TMEM51: variants seen among roughly 807,000 people sequenced by gnomAD.
TMEM51 encodes the protein transmembrane protein 51.
TMEM51 carries 8 observed loss-of-function variants against 13.6 expected under a neutral mutation model. The observed-to-expected ratio is 0.59, with a 90% CI of 0.35 to 1.07. The LOEUF (loss-of-function observed/expected upper bound fraction) is 1.07. TMEM51 is among the 50% of genes least tolerant of loss of function. The probability of loss-of-function intolerance (pLI) is 0.02; values close to 1 mark genes in which losing one functional copy is unlikely to be tolerated. For missense variants in TMEM51, 279 were observed against 330.7 expected (o/e 0.84, Z 1.21); for synonymous variants, 147 against 144.4 (o/e 1.02, Z -0.13).
At chr1:15,216,406 T>C (rs141252367) in intron 3 of TMEM51, among the ~76,000 whole-genome samples, 1 of 152,338 alleles carries the variant, frequency 6.6e-6, no homozygotes, top group South Asian at 2.1e-4. Context: ...GTTCAACCAA[T>C]AGATGTTCAA....
chr1:15,200,156 C>T (rs1283392742), intron 1 of TMEM51, among the ~76,000 whole-genome samples: 1 of 151,744 alleles, frequency 6.6e-6, no homozygotes, highest in African/African-American at 2.4e-5. Context: ...ATGAGTGGGC[C>T]CTAATCCAAT....
chr1:15,187,559 C>A (rs569922310), intron 1 of TMEM51, among the ~76,000 whole-genome samples: 1 of 152,336 alleles, frequency 6.6e-6, no homozygotes, highest in Non-Finnish European at 1.5e-5. Flanking sequence ...TGCTTCCTTT[C>A]TTTTCTCCTG....
At chr1:15,188,021 G>C (rs1006787040) in intron 1 of TMEM51, among the ~76,000 whole-genome samples, 1 of 152,290 alleles carries the variant, frequency 6.6e-6, no homozygotes, top group Middle Eastern at 3.4e-3. Flanking sequence ...GGTAGGTTTT[G>C]TTTTACTGTT....
intron 1 of TMEM51, among the ~76,000 whole-genome samples, chr1:15,194,095 AC>A (rs1288088908): frequency 6.6e-6 from 1 of 152,242 alleles, no homozygotes; most frequent in Non-Finnish European, 1.5e-5. Context: ...AGGGCAGTGA[AC>A]AAAAATGACA....
intron 1 of TMEM51, among the ~76,000 whole-genome samples, chr1:15,188,469 T>A (rs1430215805): frequency 6.6e-6 from 1 of 152,158 alleles, no homozygotes; most frequent in African/African-American, 2.4e-5. Context: ...ATCACCTGAG[T>A]GCTCAGCAAG....
intron 1 of TMEM51, among the ~76,000 whole-genome samples, chr1:15,181,644 C>G (rs1303377745): frequency 6.6e-6 from 1 of 152,212 alleles, no homozygotes; most frequent in Non-Finnish European, 1.5e-5. Flanking sequence ...GTCATGGCAG[C>G]AGGTTCTCGA....
intron 1 of TMEM51, among the ~76,000 whole-genome samples, chr1:15,172,261 G>A (rs1643303087): frequency 6.6e-6 from 1 of 152,002 alleles, no homozygotes; most frequent in Admixed American, 6.6e-5. Flanking sequence ...ACACGTGCCT[G>A]TAGTCCCAGC....
At chr1:15,216,506 G>A (rs1644435192) in intron 3 of TMEM51, among the ~76,000 whole-genome samples, 1 of 152,138 alleles carries the variant, frequency 6.6e-6, no homozygotes, top group South Asian at 2.1e-4. Flanking sequence ...TACTGTTGGA[G>A]AGTTGTAGGG....
At chr1:15,196,988 C>T (rs116282859) in intron 1 of TMEM51, among the ~76,000 whole-genome samples, 2,110 of 152,230 alleles carry the variant, frequency 0.014, 57 homozygotes, top group African/African-American at 0.049. Flanking sequence ...TCAGACACAG[C>T]GGGATCCAGG....
chr1:15,173,807 T>C (rs938075431), intron 1 of TMEM51, among the ~76,000 whole-genome samples: 1 of 152,196 alleles, frequency 6.6e-6, no homozygotes, highest in Non-Finnish European at 1.5e-5. Flanking sequence ...AACGTTTCTA[T>C]GAATTTCTTT....
intron 1 of TMEM51, among the ~76,000 whole-genome samples, chr1:15,205,611 T>G (rs1266298272): frequency 3.3e-5 from 5 of 152,208 alleles, no homozygotes. Context: ...GGTTTTAGGA[T>G]CAGGCGTACC....
At position 15,219,755 on chromosome 1, in the gene TMEM51, T is replaced by G; in HGVS notation, c.*12T>G. 1 of 1,610,438 alleles carries G rather than the reference T, an allele frequency of 6.2e-7. No homozygotes were observed. ...GGCCGCCCGACTGAATGGCCCCACTTGAGCCACGCTCCCTCCTGTCTCTCA... is the reference window on the plus strand; with the variant it reads ...GGCCGCCCGACTGAATGGCCCCACTGGAGCCACGCTCCCTCCTGTCTCTCA... On this transcript the variant is annotated 3_prime_UTR_variant, in exon 4 of 4. Transcript: ENST00000376008.
chr1:15,178,858 A>G (rs936842991), intron 1 of TMEM51, among the ~76,000 whole-genome samples: 6 of 152,342 alleles, frequency 3.9e-5, no homozygotes, highest in African/African-American at 1.4e-4. Context: ...AGTGTGTTCA[A>G]TGGGCATGAA....
chr1:15,163,911 C>T (rs1642892347), intron 1 of TMEM51, among the ~76,000 whole-genome samples: 1 of 151,652 alleles, frequency 6.6e-6, no homozygotes, highest in Non-Finnish European at 1.5e-5. Flanking sequence ...TCACAGCAAC[C>T]TCCACCTCCT....
intron 1 of TMEM51, among the ~76,000 whole-genome samples, chr1:15,194,623 C>G (rs6671540): frequency 0.74 from 112,728 of 152,168 alleles, 42,281 homozygotes; most frequent in East Asian, 0.96. Context: ...GGGCCCTACA[C>G]AGCCGCTTCC....
chr1:15,158,452 C>T (rs1642659869), intron 1 of TMEM51, among the ~76,000 whole-genome samples: 1 of 152,098 alleles, frequency 6.6e-6, no homozygotes, highest in South Asian at 2.1e-4. Context: ...TTTATTTTTG[C>T]TGTGTTTGTT....
rs370359306 is a variant in TMEM51, at chr1:15,162,866, G to A, written c.-267+8912G>A. 8.5e-5 allele frequency among the ~76,000 whole-genome samples: 13 copies of A among 152,132 alleles called. 1 individual carries two copies. Among genetic ancestry groups the A allele is most frequent in the East Asian group, 7.7e-4 (4 of 5,186 alleles). On this transcript the variant is annotated intron_variant, in intron 1 of 3. Coordinates refer to ENST00000376008, the MANE Select transcript of TMEM51 (RefSeq NM_001136218.2). ...TGCCAGGGGCTGGGGGAAGAGGAAT[G>A]GGGAGTTAGGGTTTAATGGGTAAGG...
intron 1 of TMEM51, among the ~76,000 whole-genome samples, chr1:15,186,474 G>A (rs1198261187): frequency 6.6e-6 from 1 of 152,174 alleles, no homozygotes; most frequent in Non-Finnish European, 1.5e-5. Context: ...GGGAGAGCGG[G>A]GGGTCATGGA....
rs914200063 is a variant in TMEM51 at position 15,182,117 on chromosome 1, C to T, written c.-267+28163C>T. On this transcript the variant is annotated intron_variant, in intron 1 of 3. Coordinates refer to ENST00000376008, the MANE Select transcript of TMEM51 (RefSeq NM_001136218.2). ...TGGAGGTTGCAGTTAGCCGAGATTGCGCCATTGCACTCCAACCTGGGCAAC... is the reference window on the plus strand; with the variant it reads ...TGGAGGTTGCAGTTAGCCGAGATTGTGCCATTGCACTCCAACCTGGGCAAC... 2.6e-5 allele frequency among the ~76,000 whole-genome samples: 4 copies of T among 151,850 alleles called. No individual in the cohort carries two copies. In the East Asian group the frequency reaches 5.8e-4, roughly 22 times the overall value.
Sources: allele counts gnomAD v4.1 joint callset (sites outside exome capture counted in the v4.1 genomes callset), GRCh38; gene constraint gnomAD v4.1.1; transcripts MANE v1.5; gene names NCBI Gene and HGNC (gene_info 2026-07-23, HGNC 2026-07-21).